Variants in GPC6 observed in about 807,000 individuals in gnomAD.
The protein encoded by GPC6 is glypican-6.
In GPC6, 14 loss-of-function variants were observed where a neutral mutation model predicts 55.2. The ratio of observed to expected loss-of-function variants is 0.25; its 90% CI spans 0.17 to 0.40. GPC6 has a LOEUF of 0.40. Ranked by LOEUF, GPC6 falls within the 10% of genes least tolerant of loss-of-function variation. The pLI is 1.00. For synonymous variants in GPC6, 278 were observed against 259.6 expected, an observed-to-expected ratio of 1.07 and a Z score of -0.68; for missense variants, 641 against 708.5, an observed-to-expected ratio of 0.90 and a Z score of 1.08.
At chr13:93,819,055 T>C (rs544841440) in intron 2 of GPC6, among the ~76,000 whole-genome samples, 1 of 152,134 alleles carries the variant, frequency 6.6e-6, no homozygotes, top group African/African-American at 2.4e-5. Flanking sequence ...AGAAAATGAA[T>C]GCAGCCTGGG....
chr13:94,097,423 C>T (rs1566401127), intron 4 of GPC6, among the ~76,000 whole-genome samples: 1 of 144,900 alleles, frequency 6.9e-6, no homozygotes, highest in African/African-American at 2.5e-5. Flanking sequence ...AGGAGAATGG[C>T]GTGAACCCGG....
chr13:93,957,657 G>C (rs557367645), intron 3 of GPC6, among the ~76,000 whole-genome samples: 1 of 152,204 alleles, frequency 6.6e-6, no homozygotes, highest in South Asian at 2.1e-4. Flanking sequence ...TGATGTCTTT[G>C]CTCTTGTGAT....
At chr13:93,723,528 A>G (rs1883525228) in intron 2 of GPC6, among the ~76,000 whole-genome samples, 1 of 151,986 alleles carries the variant, frequency 6.6e-6, no homozygotes, top group South Asian at 2.1e-4. Flanking sequence ...CGAGAGTCCC[A>G]GAGCCGCAGG....
chr13:94,114,250 T>C (rs1886354889), intron 4 of GPC6, among the ~76,000 whole-genome samples: 1 of 151,990 alleles, frequency 6.6e-6, no homozygotes, highest in Non-Finnish European at 1.5e-5. Flanking sequence ...TGTAGTCTTC[T>C]CTCTCAAAAA....
intron 5 of GPC6, among the ~76,000 whole-genome samples, chr13:94,286,736 C>T (rs1440708530): frequency 1.3e-5 from 2 of 152,118 alleles, no homozygotes; most frequent in African/African-American, 4.8e-5. Context: ...CAGAGAGCCC[C>T]AAGTATGTTG....
chr13:93,962,999 C>CT (rs1231042702), intron 3 of GPC6, among the ~76,000 whole-genome samples: 2 of 151,980 alleles, frequency 1.3e-5, no homozygotes, highest in East Asian at 3.9e-4. Flanking sequence ...TTCATAATAC[C>CT]TTTTGCATCT....
chr13:94,073,915 T>C (rs188880127), intron 4 of GPC6, among the ~76,000 whole-genome samples: 152 of 152,310 alleles, frequency 1.0e-3, no homozygotes, highest in Non-Finnish European at 1.8e-3. Flanking sequence ...TCCCATCTCT[T>C]TGACACTTGG....
intron 4 of GPC6, among the ~76,000 whole-genome samples, chr13:94,165,514 G>A (rs904399931): frequency 2.0e-5 from 3 of 151,698 alleles, no homozygotes; most frequent in East Asian, 1.9e-4. Flanking sequence ...AGGGGGTGAG[G>A]GATAAAAGAC....
At chr13:94,360,069 G>A (rs1878985778) in intron 6 of GPC6, among the ~76,000 whole-genome samples, 1 of 152,184 alleles carries the variant, frequency 6.6e-6, no homozygotes. Flanking sequence ...TACATATGCA[G>A]CCCTATGGGA....
chr13:93,482,850 A>T (rs1352782920), intron 1 of GPC6, among the ~76,000 whole-genome samples: 2 of 152,148 alleles, frequency 1.3e-5, no homozygotes, highest in Non-Finnish European at 2.9e-5. Flanking sequence ...ATTTTACGCA[A>T]TTTACCATAT....
chr13:93,431,289 C>G (rs1877349751), intron 1 of GPC6, among the ~76,000 whole-genome samples: 1 of 152,022 alleles, frequency 6.6e-6, no homozygotes, highest in African/African-American at 2.4e-5. Context: ...GAAGCCATGT[C>G]TATTTTAAGC....
At chr13:93,365,690 C>A (rs555789303) in intron 1 of GPC6, among the ~76,000 whole-genome samples, 1 of 151,942 alleles carries the variant, frequency 6.6e-6, no homozygotes, top group Non-Finnish European at 1.5e-5. Context: ...TTTAGGGGAA[C>A]AATTATTGTG....
At chr13:93,309,417 GA>G (rs1228234380) in intron 1 of GPC6, among the ~76,000 whole-genome samples, 2 of 145,062 alleles carry the variant, frequency 1.4e-5, no homozygotes, top group Non-Finnish European at 3.1e-5. Flanking sequence ...CATTTTGGAT[GA>G]GTGATTCTAA....
intron 3 of GPC6, among the ~76,000 whole-genome samples, chr13:94,003,717 G>GTA (rs1881904039): frequency 6.6e-6 from 1 of 152,136 alleles, no homozygotes; most frequent in South Asian, 2.1e-4. Context: ...ACTATTGATT[G>GTA]TATAGGTCGA....
intron 1 of GPC6, among the ~76,000 whole-genome samples, chr13:93,368,529 G>A (rs1881342632): frequency 6.6e-6 from 1 of 151,928 alleles, no homozygotes; most frequent in African/African-American, 2.4e-5. Flanking sequence ...TCAAAGACAT[G>A]GATTTCATTT....
chr13:94,260,085 A>G (rs1891614725), intron 4 of GPC6, among the ~76,000 whole-genome samples: 1 of 152,152 alleles, frequency 6.6e-6, no homozygotes, highest in East Asian at 1.9e-4. Context: ...GATGTTCTTA[A>G]CCTGTTGCAG....
chr13:94,137,167 A>G lies in GPC6; in HGVS notation c.877+109273A>G, dbSNP rs538429003. 6.6e-5 allele frequency among the ~76,000 whole-genome samples: 10 copies of G among 152,350 alleles called. No individual in the cohort carries two copies. In the South Asian group the frequency reaches 2.1e-3, roughly 32 times the overall value. On this transcript the variant is annotated intron_variant, in intron 4 of 8. Transcript: ENST00000377047. ...TGATTTTAGATCGCTTGTACATGAC[A>G]TATCTGTAGGACATCTTGGAGATAA...
intron 1 of GPC6, among the ~76,000 whole-genome samples, chr13:93,507,862 G>A (rs1880796956): frequency 6.6e-6 from 1 of 151,632 alleles, no homozygotes; most frequent in South Asian, 2.1e-4. Context: ...CAACTACTGT[G>A]CTTACCGCTA....
intron 6 of GPC6, among the ~76,000 whole-genome samples, chr13:94,311,079 T>C (rs1303643740): frequency 6.6e-6 from 1 of 152,182 alleles, no homozygotes; most frequent in Non-Finnish European, 1.5e-5. Flanking sequence ...AGAGGGAACA[T>C]TGGATATTTT....
Sources: allele counts gnomAD v4.1 joint callset (sites outside exome capture counted in the v4.1 genomes callset), GRCh38; gene constraint gnomAD v4.1.1; transcripts MANE v1.5; gene names NCBI Gene and HGNC (gene_info 2026-07-23, HGNC 2026-07-21).